Variants in FANCI observed in about 807,000 individuals in gnomAD.
The protein encoded by FANCI is FA complementation group I.
Under a neutral mutation model 176.1 loss-of-function variants are expected in FANCI, and 156 were observed. The ratio of observed to expected loss-of-function variants is 0.89; its 90% CI spans 0.78 to 1.01. The LOEUF is 1.01. FANCI is among the 50% of genes least tolerant of loss of function. FANCI has a pLI of 0.00. For missense variants in FANCI, 1,678 were observed against 1,534.1 expected, an observed-to-expected ratio of 1.09 and a Z score of -1.57; for synonymous variants, 613 against 541.7, an observed-to-expected ratio of 1.13 and a Z score of -1.83.
At chr15:89,309,718 C>G (rs951674235) in intron 34 of FANCI, among the ~76,000 whole-genome samples, 2 of 152,074 alleles carry the variant, frequency 1.3e-5, no homozygotes, top group African/African-American at 2.4e-5. Flanking sequence ...GACCCTGTCT[C>G]AAGAAAAATA....
intron 2 of FANCI, among the ~76,000 whole-genome samples, chr15:89,248,937 C>T (rs1017074831): frequency 6.6e-6 from 1 of 152,126 alleles, no homozygotes; most frequent in South Asian, 2.1e-4. Flanking sequence ...CCTGTAGTCC[C>T]AGCACTTTGG....
chr15:89,313,787 ATATT>A (rs1476477405), intron 35 of FANCI, among the ~76,000 whole-genome samples: 2 of 149,660 alleles, frequency 1.3e-5, no homozygotes, highest in South Asian at 2.1e-4. Flanking sequence ...AGGTTATAAT[ATATT>A]TATACTGGAG....
At chr15:89,285,575 C>T (rs1472283486) in intron 18 of FANCI, among the ~76,000 whole-genome samples, 1 of 152,196 alleles carries the variant, frequency 6.6e-6, no homozygotes, top group East Asian at 1.9e-4. Context: ...TATGATCACA[C>T]CACTGCCCTC....
At chr15:89,297,073 T>G (rs1013437375) in intron 24 of FANCI, among the ~76,000 whole-genome samples, 7 of 149,526 alleles carry the variant, frequency 4.7e-5, no homozygotes, top group African/African-American at 1.7e-4. Context: ...GCTCCTCACT[T>G]CCCAGACGGG....
chr15:89,305,838 A>T, intron 31 of FANCI, 140 bp downstream of exon 31: 3 of 1,106,324 alleles, frequency 2.7e-6, no homozygotes, highest in Non-Finnish European at 2.7e-6. Flanking sequence ...GTGATGAAAG[A>T]AGTAGAAGAT....
chr15:89,315,145 C>A, intron 36 of FANCI, 137 bp from the exon 37 acceptor site: 1 of 715,884 alleles, frequency 1.4e-6, no homozygotes, highest in Non-Finnish European at 2.5e-6. Context: ...TGAACCCCAG[C>A]ATACAGAAGG....
At chr15:89,307,768 CTT>C in intron 34 of FANCI, 96 bp downstream of exon 34, 4 of 1,600,614 alleles carry the variant, frequency 2.5e-6, no homozygotes, top group Non-Finnish European at 3.4e-6. Context: ...CATATATAAA[CTT>C]TTTTCCCTGC....
In FANCI at chr15:89,295,068, C is replaced by A. The variant is rs1303611977; in HGVS notation, c.2610C>A (p.Ile870=). 1 of 1,551,740 alleles carries A rather than the reference C, an allele frequency of 6.4e-7. No homozygotes were observed. Among genetic ancestry groups the A allele is most frequent in the African/African-American group, 1.4e-5 (1 of 73,034 alleles). Residue 870 remains isoleucine, a synonymous_variant, in exon 24 of 38, where the codon ATC becomes ATA. Coordinates refer to ENST00000310775, the MANE Select transcript of FANCI (RefSeq NM_001113378.2). ...SGPDGQNPEK[I]FQNLCDITRV... ...CTGATGGCCAAAACCCAGAAAAGAT[C>A]TTTCAGAACCTCTGTGACATAACTC...
chr15:89,260,635 T>C, intron 3 of FANCI, 78 bp from the exon 4 acceptor site: 1 of 1,565,744 alleles, frequency 6.4e-7, no homozygotes, highest in Non-Finnish European at 8.8e-7. Context: ...TGTATTTAAC[T>C]ACAAACCTGT....
chr15:89,251,593 A>G (rs1418580148), intron 2 of FANCI, among the ~76,000 whole-genome samples: 3 of 152,248 alleles, frequency 2.0e-5, no homozygotes, highest in Admixed American at 6.5e-5. Flanking sequence ...ACTTACGAAT[A>G]TTGATATAAA....
At chr15:89,268,328 C>T in intron 9 of FANCI, 71 bp from the exon 10 acceptor site, 1 of 1,581,280 alleles carries the variant, frequency 6.3e-7, no homozygotes, top group Admixed American at 1.7e-5. Flanking sequence ...GCCTTGGCCT[C>T]CCAAAGTGCT....
Position 89,286,977 on chromosome 15 carries a change from C to CTTTTTTTTTTTTTTTT in FANCI, c.1821+1765_1821+1780dup, listed in dbSNP as rs543431700. On this transcript the variant is annotated intron_variant, in intron 18 of 37. Coordinates refer to ENST00000310775, the MANE Select transcript of FANCI (RefSeq NM_001113378.2). ...TCAGCATTTGCTGCTTCACCTTGCA[C>CTTTTTTTTTTTTTTTT]TTTTTTTTTTTTTTTTTTTTTGAGT... Among the ~76,000 whole-genome samples, 284 of 86,018 alleles carry CTTTTTTTTTTTTTTTT rather than the reference C, an allele frequency of 3.3e-3. 33 individuals are homozygous for CTTTTTTTTTTTTTTTT. The highest frequency in any genetic ancestry group is 0.011 in the African/African-American group (232 of 21,164). 56.4% of individuals were successfully genotyped at this position (86,018 alleles called of 152,430 possible).
chr15:89,308,653 A>G (rs1243455179), intron 34 of FANCI, among the ~76,000 whole-genome samples: 1 of 152,108 alleles, frequency 6.6e-6, no homozygotes, highest in Non-Finnish European at 1.5e-5. Context: ...CCCTTTAAGA[A>G]TCAGCAATCA....
intron 24 of FANCI, among the ~76,000 whole-genome samples, chr15:89,298,407 C>A (rs11073855): frequency 0.17 from 26,230 of 152,084 alleles, 3,975 homozygotes; most frequent in African/African-American, 0.42. Context: ...AAAAAGTCGT[C>A]AGGGAAATTA....
chr15:89,303,808 A>C lies in FANCI; in HGVS notation c.3007-56A>C, dbSNP rs147681577. The C allele has an allele frequency of 6.7e-3, 10,013 of 1,491,616 alleles. 33 individuals carry two copies. The highest frequency in any genetic ancestry group is 8.2e-3 in the Non-Finnish European group (8,736 of 1,068,806). The allele number at this position is 1,491,616 out of a possible 1,614,324, so 92.4% of individuals were successfully genotyped here. On this transcript the variant is annotated intron_variant, in intron 27 of 37. Coordinates refer to ENST00000310775, the MANE Select transcript of FANCI (RefSeq NM_001113378.2). ...GGTCTAGAACTCTTCTGTTCTGACAACACCTAGGTCTATCTCTGGCATGTT... is the reference window on the plus strand; with the variant it reads ...GGTCTAGAACTCTTCTGTTCTGACACCACCTAGGTCTATCTCTGGCATGTT...
intron 1 of FANCI, 129 bp from the exon 2 acceptor site, chr15:89,247,500 G>C: frequency 1.4e-6 from 1 of 717,734 alleles, no homozygotes; most frequent in Non-Finnish European, 2.5e-6. Flanking sequence ...GCTACTTAAA[G>C]ATAGTCCTAA....
chr15:89,263,662 A>AT (rs777380930), intron 7 of FANCI, among the ~76,000 whole-genome samples: 9 of 152,086 alleles, frequency 5.9e-5, no homozygotes, highest in South Asian at 4.2e-4. Flanking sequence ...ACATAACTTT[A>AT]TTTTTTTTAT....
At position 89,254,110 on chromosome 15, in the gene FANCI, A is replaced by G. The variant is rs190760990; in HGVS notation, c.85-4594A>G. ...GCGGTGGCTCACGCCTGTAATCCCA[A>G]CACTTTGGGAAACTGCGTGGGTGGA... On this transcript the variant is annotated intron_variant, in intron 2 of 37. Coordinates refer to ENST00000310775, the MANE Select transcript of FANCI (RefSeq NM_001113378.2). 2.7e-3 allele frequency among the ~76,000 whole-genome samples: 411 copies of G among 152,264 alleles called. 8 individuals carry two copies. The highest frequency in any genetic ancestry group is 0.015 in the East Asian group (78 of 5,172).
In FANCI at chr15:89,316,445, A is replaced by AAAAGG. The variant is rs771578684; in HGVS notation, c.3977_3981dup (p.Lys1328GlyfsTer5). On this transcript the variant is annotated frameshift_variant, in exon 38 of 38. Coordinates refer to ENST00000310775, the MANE Select transcript of FANCI (RefSeq NM_001113378.2). LOFTEE classifies it high-confidence loss of function. The stretch of plus-strand genomic sequence containing the variant: ...ACAGAACAAAGAACCAGCCAAGAAG[A>AAAAGG]AAAGGAAAAAATAAATGAAATGCCT... 53 of 1,610,904 alleles carry AAAAGG rather than the reference A, an allele frequency of 3.3e-5. No individual in the cohort carries two copies. Among genetic ancestry groups the AAAAGG allele is most frequent in the Non-Finnish European group, 4.3e-5 (51 of 1,178,136 alleles).
Sources: gnomAD v4.1 joint callset for allele counts (sites outside exome capture counted in the v4.1 genomes callset) on GRCh38, gnomAD v4.1.1 for gene constraint, MANE v1.5 for transcripts, NCBI Gene and HGNC (gene_info 2026-07-23, HGNC 2026-07-21) for gene names.